CNTN5: variants seen among roughly 807,000 people sequenced by gnomAD.
CNTN5 encodes contactin-5.
Under a neutral mutation model 129.1 loss-of-function variants are expected in CNTN5, and 77 were observed. The observed-to-expected ratio is 0.60, with a 90% CI of 0.50 to 0.72. The LOEUF (loss-of-function observed/expected upper bound fraction) is 0.72. Ranked by LOEUF, CNTN5 falls within the 30% of genes least tolerant of loss-of-function variation. The pLI, the probability that CNTN5 is intolerant of heterozygous loss-of-function variation, is 0.00. For missense variants in CNTN5, 1,478 were observed against 1,328.8 expected, an observed-to-expected ratio of 1.11 and a Z score of -1.75; for synonymous variants, 509 against 465.6, an observed-to-expected ratio of 1.09 and a Z score of -1.20.
rs191551729 is a variant in CNTN5, at chr11:99,193,918, G to A, written c.-209-131428G>A. Among the ~76,000 whole-genome samples, 41 of 152,216 alleles carry A rather than the reference G, an allele frequency of 2.7e-4. 1 individual carries two copies. The South Asian group carries it at 6.2e-3, about 23-fold the overall frequency. ...ACAAAAGCATTCATATTCATAAGAG[G>A]TAAAGAAAACAGATCATTCTCAAGA... On this transcript the variant is annotated intron_variant, in intron 1 of 24. Transcript: ENST00000524871.
intron 1 of CNTN5, among the ~76,000 whole-genome samples, chr11:99,146,925 T>C (rs2135477593): frequency 6.6e-6 from 1 of 152,214 alleles, no homozygotes; most frequent in South Asian, 2.1e-4. Context: ...TTTCACCATG[T>C]TTCCCATGCT....
At position 99,998,012 on chromosome 11, in the gene CNTN5, A is replaced by G. The variant is rs941572877; in HGVS notation, c.878-4022A>G. On this transcript the variant is annotated intron_variant, in intron 8 of 24. Transcript: ENST00000524871. ...GATTGATGGGACGTATCTCAAAATGATAAGAGCTATCTATGACAAACCCAC... is the reference window on the plus strand; with the variant it reads ...GATTGATGGGACGTATCTCAAAATGGTAAGAGCTATCTATGACAAACCCAC... 2.6e-5 allele frequency among the ~76,000 whole-genome samples: 4 copies of G among 152,264 alleles called. No homozygotes were observed. In the South Asian group the frequency reaches 6.2e-4, roughly 24 times the overall value.
chr11:100,178,215 A>G (rs540355373), intron 13 of CNTN5, among the ~76,000 whole-genome samples: 12 of 152,272 alleles, frequency 7.9e-5, no homozygotes, highest in Admixed American at 2.6e-4. Context: ...TGCCTCTCCA[A>G]ACGTTATTAA....
chr11:99,908,955 C>T (rs1949582588), intron 6 of CNTN5, among the ~76,000 whole-genome samples: 1 of 152,058 alleles, frequency 6.6e-6, no homozygotes, highest in African/African-American at 2.4e-5. Context: ...AGAGATTACT[C>T]ATCTGACCTG....
At chr11:100,039,660 G>C (rs1942254798) in intron 9 of CNTN5, among the ~76,000 whole-genome samples, 1 of 152,152 alleles carries the variant, frequency 6.6e-6, no homozygotes, top group Admixed American at 6.5e-5. Context: ...TGGAGGCTTT[G>C]TTTGTTTCTT....
intron 2 of CNTN5, among the ~76,000 whole-genome samples, chr11:99,334,343 T>A (rs1003772621): frequency 1.3e-5 from 2 of 152,088 alleles, no homozygotes; most frequent in African/African-American, 2.4e-5. Context: ...TATTAAATAA[T>A]TCTACTTGCA....
intron 13 of CNTN5, among the ~76,000 whole-genome samples, chr11:100,136,922 C>T (rs1247395620): frequency 6.6e-6 from 1 of 151,664 alleles, no homozygotes; most frequent in African/African-American, 2.4e-5. Flanking sequence ...AACTCCATTA[C>T]CTGCAAGGAA....
At chr11:100,056,731 A>C (rs1284733286) in intron 9 of CNTN5, among the ~76,000 whole-genome samples, 1 of 151,664 alleles carries the variant, frequency 6.6e-6, no homozygotes, top group African/African-American at 2.4e-5. Flanking sequence ...GACATAGAGT[A>C]GTAGTTTTCT....
Position 99,928,409 on chromosome 11 carries a change from C to T in CNTN5, c.673+12260C>T, listed in dbSNP as rs772742931. Among the ~76,000 whole-genome samples, 10 of 152,196 alleles carry T rather than the reference C, an allele frequency of 6.6e-5. 1 individual carries two copies. Among genetic ancestry groups the T allele is most frequent in the East Asian group, 1.9e-4 (1 of 5,180 alleles). ...ACACTGCCTCAGCAGAGGTTCTCCA[C>T]GAGGGCTCTGTCCCTGCAGCAAGCT... is the stretch of plus-strand genomic sequence containing the variant. On this transcript the variant is annotated intron_variant, in intron 7 of 24. Coordinates refer to ENST00000524871, the MANE Select transcript of CNTN5 (RefSeq NM_014361.4).
intron 7 of CNTN5, among the ~76,000 whole-genome samples, chr11:99,933,570 A>C (rs1029752424): frequency 6.6e-6 from 1 of 152,122 alleles, no homozygotes; most frequent in African/African-American, 2.4e-5. Context: ...TGTTTTGTCC[A>C]GAAATTGTTT....
intron 13 of CNTN5, among the ~76,000 whole-genome samples, chr11:100,091,684 A>C (rs10894429): frequency 0.33 from 50,510 of 151,588 alleles, 8,545 homozygotes; most frequent in South Asian, 0.45. Context: ...AACTCGGTCT[A>C]CCAAAGTGCT....
At chr11:99,295,875 T>C (rs1591484140) in intron 1 of CNTN5, among the ~76,000 whole-genome samples, 1 of 107,558 alleles carries the variant, frequency 9.3e-6, no homozygotes, top group Admixed American at 1.2e-4. Context: ...AGAGCGAGAC[T>C]CCGTCTCAAA....
intron 3 of CNTN5, among the ~76,000 whole-genome samples, chr11:99,651,868 AG>A (rs61138663): frequency 0.011 from 1,632 of 152,200 alleles, 37 homozygotes; most frequent in African/African-American, 0.036. Context: ...TAAGAATTAC[AG>A]AAAATGGATA....
chr11:99,737,144 AACACACACACAC>A (rs138644247), intron 3 of CNTN5, among the ~76,000 whole-genome samples: 1 of 143,198 alleles, frequency 7.0e-6, no homozygotes, highest in South Asian at 2.1e-4. Flanking sequence ...CACACACACA[AACACACACACAC>A]ACACACGCAC....
chr11:100,068,952 T>A (rs781238469), intron 10 of CNTN5, among the ~76,000 whole-genome samples: 1 of 152,142 alleles, frequency 6.6e-6, no homozygotes. Flanking sequence ...AAATAGGACA[T>A]GTTTGTTTGA....
intron 13 of CNTN5, among the ~76,000 whole-genome samples, chr11:100,182,409 C>A (rs940518798): frequency 1.3e-5 from 2 of 151,994 alleles, no homozygotes; most frequent in African/African-American, 4.8e-5. Context: ...AGAAAACAAT[C>A]TCTTTCATGT....
intron 3 of CNTN5, among the ~76,000 whole-genome samples, chr11:99,562,843 C>G (rs1948885499): frequency 6.6e-6 from 1 of 152,020 alleles, no homozygotes; most frequent in Non-Finnish European, 1.5e-5. Flanking sequence ...ATACTGAGCT[C>G]AACAATGTAC....
At chr11:99,402,994 A>G (rs1248033171) in intron 2 of CNTN5, among the ~76,000 whole-genome samples, 1 of 131,892 alleles carries the variant, frequency 7.6e-6, no homozygotes, top group African/African-American at 2.8e-5. Flanking sequence ...AAGTTTGTCT[A>G]TTTTGTTAAA....
intron 7 of CNTN5, among the ~76,000 whole-genome samples, chr11:99,935,276 C>T (rs1457227047): frequency 6.6e-6 from 1 of 151,484 alleles, no homozygotes; most frequent in African/African-American, 2.4e-5. Context: ...TTTCTTAGTT[C>T]CCCCAAGAAT....
Sources: gnomAD v4.1 joint callset for allele counts (sites outside exome capture counted in the v4.1 genomes callset) on GRCh38, gnomAD v4.1.1 for gene constraint, MANE v1.5 for transcripts, NCBI Gene and HGNC (gene_info 2026-07-23, HGNC 2026-07-21) for gene names.